ETV1: variants seen among roughly 807,000 people sequenced by gnomAD.
ETV1 encodes ETS translocation variant 1.
A neutral mutation model predicts 62.3 loss-of-function variants in ETV1; 27 were observed. The observed-to-expected ratio is 0.43, with a 90% CI of 0.32 to 0.60. The LOEUF (loss-of-function observed/expected upper bound fraction) is 0.60, where lower values mean the gene tolerates loss of function less well. Ranked by LOEUF, ETV1 falls within the 20% of genes least tolerant of loss-of-function variation. The pLI is 0.06. For synonymous variants in ETV1, 222 were observed against 199.6 expected, an observed-to-expected ratio of 1.11 and a Z score of -0.94; for missense variants, 605 against 605.8, an observed-to-expected ratio of 1.00 and a Z score of 0.01.
intron 6 of ETV1, among the ~76,000 whole-genome samples, chr7:13,973,413 T>C (rs1208368554): frequency 3.9e-5 from 6 of 152,306 alleles, no homozygotes; most frequent in Non-Finnish European, 8.8e-5. Flanking sequence ...CGCACGAGAA[T>C]CAAACATCTG....
intron 9 of ETV1, among the ~76,000 whole-genome samples, 159 bp from the exon 10 acceptor site, chr7:13,911,466 T>C (rs1202938389): frequency 6.6e-6 from 1 of 152,054 alleles, no homozygotes; most frequent in Non-Finnish European, 1.5e-5. Flanking sequence ...GGCCCACACA[T>C]GAAATGAAAG....
chr7:13,939,230 C>A lies in ETV1; in HGVS notation c.252G>T (p.Leu84=), dbSNP rs1323537461. The A allele has an allele frequency of 1.2e-6, 2 of 1,605,756 alleles. No homozygotes were observed. The highest frequency in any genetic ancestry group is 2.3e-5 in the South Asian group (2 of 88,548). The change falls in exon 7 of 14, where the codon CTG becomes CTT. Residue 84 remains leucine, a synonymous_variant. Coordinates refer to ENST00000430479, the MANE Select transcript of ETV1 (RefSeq NM_004956.5). ...YQAESLAFHG[L]PLKIKKEPHS... Reference sequence around the variant, plus strand: ...GGGGTTCTTTCTTGATTTTCAGTGGCAGGCCATGAAAAGCCACTAGAAAAA... The same window carrying A: ...GGGGTTCTTTCTTGATTTTCAGTGGAAGGCCATGAAAAGCCACTAGAAAAA...
intron 6 of ETV1, among the ~76,000 whole-genome samples, chr7:13,955,025 T>C (rs1401158652): frequency 6.6e-6 from 1 of 152,214 alleles, no homozygotes; most frequent in Non-Finnish European, 1.5e-5. Context: ...ATAAACACCT[T>C]CTTAAAACGA....
intron 6 of ETV1, among the ~76,000 whole-genome samples, chr7:13,954,048 G>A (rs1789130023): frequency 6.6e-6 from 1 of 152,016 alleles, no homozygotes; most frequent in Non-Finnish European, 1.5e-5. Flanking sequence ...AATTAATATT[G>A]CATTGCCATA....
chr7:13,988,897 A>AT, intron 3 of ETV1, 111 bp downstream of exon 3: 1 of 1,538,312 alleles, frequency 6.5e-7, no homozygotes, highest in South Asian at 1.2e-5. Flanking sequence ...AACAAAGCAG[A>AT]TAAGTATCTG....
At chr7:13,901,795 GA>G (rs1397285243) in intron 12 of ETV1, among the ~76,000 whole-genome samples, 2 of 152,126 alleles carry the variant, frequency 1.3e-5, no homozygotes, top group Non-Finnish European at 2.9e-5. Context: ...GAAGGAAGTG[GA>G]AAAGGTCACC....
chr7:13,934,982 T>A (rs2128455083), intron 8 of ETV1, among the ~76,000 whole-genome samples: 1 of 152,318 alleles, frequency 6.6e-6, no homozygotes, highest in South Asian at 2.1e-4. Context: ...ATAAGCAACC[T>A]GATTTTAAGC....
intron 6 of ETV1, among the ~76,000 whole-genome samples, chr7:13,948,237 C>T (rs1159226282): frequency 6.6e-6 from 1 of 152,114 alleles, no homozygotes; most frequent in East Asian, 1.9e-4. Context: ...ATGTGGACAG[C>T]GAAAGTAAAT....
chr7:13,986,198 A>C, intron 5 of ETV1: 2 of 1,580,674 alleles, frequency 1.3e-6, no homozygotes, highest in Non-Finnish European at 1.7e-6. Context: ...GAACCCAGAG[A>C]AACTAATTTC....
chr7:13,950,170 G>A (rs945783676), intron 6 of ETV1, among the ~76,000 whole-genome samples: 2 of 152,168 alleles, frequency 1.3e-5, no homozygotes, highest in Non-Finnish European at 2.9e-5. Flanking sequence ...ACAATTGGAA[G>A]CCCAATGTGC....
At chr7:13,907,959 A>G (rs996898688) in intron 11 of ETV1, 5 of 370,668 alleles carry the variant, frequency 1.3e-5, no homozygotes, top group African/African-American at 1.1e-4. Context: ...ATCGATTTCA[A>G]TGACAGTTTT....
chr7:13,897,664 C>T lies in ETV1; in HGVS notation c.1213-1577G>A, dbSNP rs1781982801. On this transcript the variant is annotated intron_variant, in intron 13 of 13. Coordinates refer to ENST00000430479, the MANE Select transcript of ETV1 (RefSeq NM_004956.5). Reference sequence around the variant, plus strand: ...GCCAGAAACAGAGGAGTCTGGCATACATTTATTTACTTTAGTCCTTCATAC... The same window carrying T: ...GCCAGAAACAGAGGAGTCTGGCATATATTTATTTACTTTAGTCCTTCATAC... 2.0e-5 allele frequency among the ~76,000 whole-genome samples: 3 copies of T among 152,128 alleles called. No homozygotes were observed. The South Asian group carries it at 6.2e-4, about 32-fold the overall frequency.
intron 9 of ETV1, among the ~76,000 whole-genome samples, chr7:13,917,564 G>C (rs1043198284): frequency 2.6e-5 from 4 of 151,886 alleles, no homozygotes; most frequent in African/African-American, 9.7e-5. Context: ...GTGATCTGCC[G>C]TCTTGGCCTC....
intron 12 of ETV1, among the ~76,000 whole-genome samples, chr7:13,904,156 C>T (rs948048805): frequency 1.3e-5 from 2 of 152,202 alleles, no homozygotes; most frequent in African/African-American, 4.8e-5. Flanking sequence ...ACCCTACAGT[C>T]ATTGCCTGAT....
intron 9 of ETV1, among the ~76,000 whole-genome samples, chr7:13,913,324 T>A (rs1305173546): frequency 6.6e-6 from 1 of 152,240 alleles, no homozygotes; most frequent in East Asian, 1.9e-4. Context: ...TTAGTACAAG[T>A]ACAGCACAAT....
chr7:13,929,755 T>A (rs1032145169), intron 9 of ETV1, among the ~76,000 whole-genome samples: 1 of 151,950 alleles, frequency 6.6e-6, no homozygotes, highest in African/African-American at 2.4e-5. Context: ...AATTCATAGG[T>A]TTTGGGGAGC....
At chr7:13,963,688 T>C (rs1195477140) in intron 6 of ETV1, among the ~76,000 whole-genome samples, 1 of 152,200 alleles carries the variant, frequency 6.6e-6, no homozygotes, top group Non-Finnish European at 1.5e-5. Flanking sequence ...ATTAGCCTGC[T>C]TATATGTACA....
intron 6 of ETV1, among the ~76,000 whole-genome samples, chr7:13,964,528 G>A (rs187139442): frequency 1.3e-4 from 20 of 152,112 alleles, no homozygotes; most frequent in Admixed American, 5.2e-4. Flanking sequence ...GTGAAAAATC[G>A]ACATAATACT....
chr7:13,931,938 T>C (rs1786227956), intron 8 of ETV1, among the ~76,000 whole-genome samples, 189 bp from the exon 9 acceptor site: 1 of 152,130 alleles, frequency 6.6e-6, no homozygotes, highest in African/African-American at 2.4e-5. Flanking sequence ...ATGACTTATA[T>C]TCCCTTTCTA....
Sources: gnomAD v4.1 joint callset for allele counts (sites outside exome capture counted in the v4.1 genomes callset) on GRCh38, gnomAD v4.1.1 for gene constraint, MANE v1.5 for transcripts, NCBI Gene and HGNC (gene_info 2026-07-23, HGNC 2026-07-21) for gene names.